PFKFB4: variants seen among roughly 807,000 people sequenced by gnomAD.
The protein encoded by PFKFB4 is 6-phosphofructo-2-kinase/fructose-2,6-biphosphatase 4.
In PFKFB4, 42 loss-of-function variants were observed where a neutral mutation model predicts 62.8. The ratio of observed to expected loss-of-function variants is 0.67; its 90% CI spans 0.52 to 0.86. The LOEUF (loss-of-function observed/expected upper bound fraction) is 0.86, where lower values mean the gene tolerates loss of function less well. PFKFB4 is among the 40% of genes least tolerant of loss of function. PFKFB4 has a pLI of 0.00. For missense variants in PFKFB4, 475 were observed against 627.2 expected (o/e 0.76, Z 2.59); for synonymous variants, 204 against 240.7 (o/e 0.85, Z 1.41).
chr3:48,531,433 ATTTTTT>A (rs757109110), intron 9 of PFKFB4, among the ~76,000 whole-genome samples: 1 of 140,246 alleles, frequency 7.1e-6, no homozygotes, highest in African/African-American at 2.6e-5. Context: ...GGAAGCAGAA[ATTTTTT>A]TTTTTTTTTT....
At chr3:48,524,806 C>T (rs1233739415) in intron 10 of PFKFB4, among the ~76,000 whole-genome samples, 2 of 152,162 alleles carry the variant, frequency 1.3e-5, no homozygotes, top group Admixed American at 6.5e-5. Flanking sequence ...TTTTATTTGG[C>T]CCCTGCCCCA....
chr3:48,536,674 G>A (rs889787409), intron 7 of PFKFB4: 29 of 551,772 alleles, frequency 5.3e-5, no homozygotes, highest in African/African-American at 2.4e-4. Flanking sequence ...TGTGGGAGAC[G>A]GGAGATGGGA....
upstream of PFKFB4, among the ~76,000 whole-genome samples, chr3:48,558,673 G>A (rs976203706): frequency 6.6e-6 from 1 of 152,220 alleles, no homozygotes; most frequent in African/African-American, 2.4e-5. Flanking sequence ...CTAGCTGCTT[G>A]CCCTGGGAAC....
At chr3:48,561,582 C>T (rs529559534), upstream of PFKFB4, 1 of 153,044 alleles carries the variant, frequency 6.5e-6, no homozygotes, top group East Asian at 1.9e-4. The surrounding 1 kb of genome is among the most constrained non-coding windows in gnomAD (Gnocchi z 5.2). Flanking sequence ...CCAGGTATGA[C>T]TCACCCACCA....
At position 48,521,942 on chromosome 3, in the gene PFKFB4, A is replaced by G. The variant is rs1417637395; in HGVS notation, c.1350+44T>C. The G allele has an allele frequency of 6.5e-7, 1 of 1,536,026 alleles. No individual in the cohort carries two copies. Among genetic ancestry groups the G allele is most frequent in the Non-Finnish European group, 9.0e-7 (1 of 1,108,856 alleles). ...GAGGATGTGCAGTCTGGACACCCCC[A>G]CATCAGGAACACCCCGCTACCCCAG... On this transcript the variant is annotated intron_variant, in intron 13 of 13. Coordinates refer to ENST00000232375, the MANE Select transcript of PFKFB4 (RefSeq NM_004567.4). The surrounding 1 kb of genome is among the most constrained non-coding windows in gnomAD (Gnocchi z 5.3).
chr3:48,522,012 C>T lies in PFKFB4; in HGVS notation c.1324G>A (p.Val442Met). The change falls in exon 13 of 14, where the codon GTG becomes ATG. Residue 442 changes from valine (V) to methionine (M), a missense_variant. Coordinates refer to ENST00000232375, the MANE Select transcript of PFKFB4 (RefSeq NM_004567.4). Reference protein sequence around the residue: ...VESIFLNVAAVNTHRDRPQNV... With the variant: ...VESIFLNVAAMNTHRDRPQNV... Reference sequence around the variant, plus strand: ...TGAGGCCTGTCCCGGTGCGTGTTCACAGCAGCCACGTTCAGGAATATGGAC... The same window carrying T: ...TGAGGCCTGTCCCGGTGCGTGTTCATAGCAGCCACGTTCAGGAATATGGAC... 3 of 1,614,186 alleles carry T rather than the reference C, an allele frequency of 1.9e-6. No homozygotes were observed. The highest frequency in any genetic ancestry group is 2.5e-6 in the Non-Finnish European group (3 of 1,180,014).
chr3:48,549,809 C>T, intron 3 of PFKFB4, 55 bp downstream of exon 3: 2 of 1,090,214 alleles, frequency 1.8e-6, no homozygotes, highest in East Asian at 4.7e-5. Context: ...TGTTAGCTTT[C>T]TCCACACTGG....
Position 48,543,562 on chromosome 3 carries a change from C to T in PFKFB4, c.378+18G>A, listed in dbSNP as rs1389748949. Reference sequence around the variant, plus strand: ...TCCCATGTGTCACTCCCAGCTGTCACCAGGGTGTCACACTCACCGCCACAT... The same window carrying T: ...TCCCATGTGTCACTCCCAGCTGTCATCAGGGTGTCACACTCACCGCCACAT... On this transcript the variant is annotated intron_variant, in intron 4 of 13. Coordinates refer to ENST00000232375, the MANE Select transcript of PFKFB4 (RefSeq NM_004567.4). 1.2e-6 allele frequency: 2 copies of T among 1,600,056 alleles called. No individual in the cohort carries two copies. Among genetic ancestry groups the T allele is most frequent in the Non-Finnish European group, 1.7e-6 (2 of 1,172,672 alleles).
At chr3:48,562,961 G>A (rs777675487), upstream of PFKFB4, 10 of 1,606,220 alleles carry the variant, frequency 6.2e-6, no homozygotes, top group East Asian at 6.7e-5. This position sits in a 1 kb window ranked among gnomAD's most constrained non-coding sequence, Gnocchi z 4.3. Context: ...GGCAGCCCAC[G>A]GCCATGTGGG....
upstream of PFKFB4, among the ~76,000 whole-genome samples, chr3:48,557,570 C>G (rs2043361871): frequency 6.6e-6 from 1 of 151,908 alleles, no homozygotes; most frequent in African/African-American, 2.4e-5. Flanking sequence ...GAGTTTCGCT[C>G]CTGTTGCCCA....
chr3:48,549,953 A>G lies in PFKFB4; in HGVS notation c.222T>C (p.Asn74=), dbSNP rs1234853410. 1.9e-6 allele frequency: 3 copies of G among 1,612,206 alleles called. No individual in the cohort carries two copies. The Admixed American group carries it at 5.0e-5, about 27-fold the overall frequency. Residue 74 remains asparagine (N), a synonymous_variant, in exon 3 of 14, where the codon AAT becomes AAC. Coordinates refer to ENST00000232375, the MANE Select transcript of PFKFB4 (RefSeq NM_004567.4). ...NWIGVPTREF[N]VGQYRRDVVK... The stretch of plus-strand genomic sequence containing the variant: ...CCACGTCCCGGCGATACTGGCCAAC[A>G]TTGAACTCTGGAGGGAAGGAGAGGC...
upstream of PFKFB4, chr3:48,562,767 G>C: frequency 6.5e-7 from 1 of 1,529,488 alleles, no homozygotes; most frequent in Non-Finnish European, 8.8e-7. This position sits in a 1 kb window ranked among gnomAD's most constrained non-coding sequence, Gnocchi z 4.3. Context: ...CCCTATCACT[G>C]TGACCCCCTC....
In PFKFB4 at chr3:48,525,613, G is replaced by A. The variant is rs1206946410; in HGVS notation, c.1044C>T (p.Phe348=). The change falls in exon 10 of 14, where the codon TTC becomes TTT. Residue 348 remains phenylalanine (F), a synonymous_variant. Transcript: ENST00000232375. ...GGTACTTGTCCTGGTCCCGCAGGGC[G>A]AACTCCAGTGGATAATTATCCTGAA... ...EEIQDNYPLE[F]ALRDQDKYRY... The A allele has an allele frequency of 5.0e-6, 8 of 1,608,786 alleles. No individual in the cohort carries two copies. Among genetic ancestry groups the A allele is most frequent in the Admixed American group, 3.4e-5 (2 of 59,656 alleles).
chr3:48,554,003 T>TA (rs747179758), intron 1 of PFKFB4, among the ~76,000 whole-genome samples: 3 of 152,062 alleles, frequency 2.0e-5, no homozygotes, highest in Non-Finnish European at 4.4e-5. Context: ...ATGGGAAAGG[T>TA]AAAAGCCTCC....
chr3:48,539,772 C>G lies in PFKFB4; in HGVS notation c.379-1G>C. Reference sequence around the variant, plus strand: ...GGGTGGTGTTTGTGGCATCAAAAACCTAGGACCAAACTAGGGTTAACTCAG... The same window carrying G: ...GGGTGGTGTTTGTGGCATCAAAAACGTAGGACCAAACTAGGGTTAACTCAG... On this transcript the variant is annotated splice_acceptor_variant, in intron 4 of 13. Transcript: ENST00000232375. LOFTEE classifies it high-confidence loss of function. 6.2e-7 allele frequency: 1 copy of G among 1,613,834 alleles called. No homozygotes were observed. Among genetic ancestry groups the G allele is most frequent in the Non-Finnish European group, 8.5e-7 (1 of 1,179,694 alleles).
rs1431978553 is a variant in PFKFB4, at chr3:48,546,292, C to T, written c.312-2646G>A. Among the ~76,000 whole-genome samples, 3 of 151,924 alleles carry T rather than the reference C, an allele frequency of 2.0e-5. No homozygotes were observed. The East Asian group carries it at 5.8e-4, about 29-fold the overall frequency. On this transcript the variant is annotated intron_variant, in intron 3 of 13. Transcript: ENST00000232375. ...CACACAGGATGTGTGTGCATGCACC[C>T]ATGTGTATAAGTTTGTGTGTGTGTG...
At chr3:48,537,771 C>T (rs773983632) in intron 7 of PFKFB4, among the ~76,000 whole-genome samples, 10 of 151,996 alleles carry the variant, frequency 6.6e-5, no homozygotes, top group African/African-American at 1.9e-4. Context: ...GCAATCCTCC[C>T]GCCTCAGCCT....
intron 10 of PFKFB4, among the ~76,000 whole-genome samples, chr3:48,525,064 CAG>C (rs565252411): frequency 6.6e-6 from 1 of 152,126 alleles, no homozygotes; most frequent in Non-Finnish European, 1.5e-5. Context: ...AGGCCCGAGA[CAG>C]GGACTCGAGT....
chr3:48,536,422 T>G lies in PFKFB4; in HGVS notation c.674A>C (p.Tyr225Ser). 1 of 1,614,212 alleles carries G rather than the reference T, an allele frequency of 6.2e-7. No homozygotes were observed. The highest frequency in any genetic ancestry group is 8.5e-7 in the Non-Finnish European group (1 of 1,180,018). ...YIKIMDVGQS[Y>S]VVNRVADHIQ... ...GTGGTCAGCCACACGGTTCACCACG[T>G]AGCTCTGGCCCACATCCATGATCTT... Residue 225 changes from tyrosine (Y) to serine (S), a missense_variant, in exon 8 of 14, where the codon TAC becomes TCC. Transcript: ENST00000232375.
Sources: allele counts gnomAD v4.1 joint callset (sites outside exome capture counted in the v4.1 genomes callset), GRCh38; gene constraint gnomAD v4.1.1; non-coding constraint Gnocchi (gnomAD v3.1); transcripts MANE v1.5; gene names NCBI Gene and HGNC (gene_info 2026-07-23, HGNC 2026-07-21).